STAT3: variants seen among roughly 807,000 people sequenced by gnomAD.
The protein encoded by STAT3 is DNA-binding protein APRF.
STAT3 carries 7 observed loss-of-function variants against 114.3 expected under a neutral mutation model. The observed-to-expected ratio is 0.06, with a 90% confidence interval of 0.03 to 0.11. The LOEUF is 0.11. Ranked by LOEUF, STAT3 falls within the 10% of genes least tolerant of loss-of-function variation. STAT3 has a pLI of 1.00. For missense variants in STAT3, 364 were observed against 960.9 expected (o/e 0.38, Z 8.21); for synonymous variants, 331 against 354.5 (o/e 0.93, Z 0.74).
At chr17:42,382,828 A>G (rs1014507163) in intron 1 of STAT3, among the ~76,000 whole-genome samples, 2 of 151,276 alleles carry the variant, frequency 1.3e-5, no homozygotes, top group Non-Finnish European at 2.9e-5. Context: ...TTGTATTTTT[A>G]GTAGAGGCGG....
Position 42,316,889 on chromosome 17 carries a change from G to A in STAT3, c.2157C>T (p.Ser719=), listed in dbSNP as rs2081272485. The A allele has an allele frequency of 3.1e-6, 5 of 1,612,448 alleles. No homozygotes were observed. The East Asian group carries it at 1.1e-4, about 36-fold the overall frequency. The change falls in exon 23 of 24, where the codon AGC becomes AGT. Residue 719 remains serine (S), a synonymous_variant. Transcript: ENST00000264657. ...KFICVTPTTC[S]NTIDLPMSPR... ...GGGACATCGGCAGGTCAATGGTATT[G>A]CTGCAGGTCGTTCTGTAGGAAATGG... is the stretch of plus-strand genomic sequence containing the variant.
intron 21 of STAT3, among the ~76,000 whole-genome samples, chr17:42,320,305 C>A (rs2081417540): frequency 6.6e-6 from 1 of 152,184 alleles, no homozygotes. Context: ...CTCAAGAAAT[C>A]CCTCAGAAGG....
intron 5 of STAT3, 100 bp from the exon 6 acceptor site, chr17:42,338,912 C>A: frequency 8.9e-7 from 1 of 1,121,104 alleles, no homozygotes; most frequent in East Asian, 2.4e-5. Context: ...AAGCCAAAAC[C>A]TCAAAAAAGA....
chr17:42,322,646 G>A, intron 20 of STAT3, 152 bp from the exon 21 acceptor site: 1 of 895,540 alleles, frequency 1.1e-6, no homozygotes, highest in Non-Finnish European at 1.8e-6. Flanking sequence ...CTGGCACTGT[G>A]GAAATATTCA....
intron 1 of STAT3, among the ~76,000 whole-genome samples, chr17:42,369,469 GGGCA>G: frequency 6.6e-6 from 1 of 152,274 alleles, no homozygotes; most frequent in East Asian, 1.9e-4. Context: ...TGTCACTGAT[GGGCA>G]TTTAGGTTGA....
chr17:42,350,473 A>C (rs1051935019), intron 1 of STAT3, among the ~76,000 whole-genome samples: 3 of 151,980 alleles, frequency 2.0e-5, no homozygotes, highest in African/African-American at 7.2e-5. Context: ...TTTTGTAGAG[A>C]TAGGGTCTTC....
At chr17:42,328,083 A>T (rs571560874) in intron 14 of STAT3, among the ~76,000 whole-genome samples, 1 of 151,990 alleles carries the variant, frequency 6.6e-6, no homozygotes, top group East Asian at 1.9e-4. Context: ...CATTTTTAAT[A>T]CTATTTTTCT....
In STAT3 at chr17:42,337,469, G is replaced by T; in HGVS notation, c.763C>A (p.Pro255Thr). 1 of 1,614,112 alleles carries T rather than the reference G, an allele frequency of 6.2e-7. No homozygotes were observed. The change falls in exon 8 of 24, where the codon CCG becomes ACG. Residue 255 changes from proline to threonine, a missense_variant. Pro to Thr is a conservative substitution (Grantham distance 38). Around this residue, in one of 5 missense-constraint regions of STAT3, gnomAD observed 294 missense variants for 745.1 expected, o/e 0.39. Coordinates refer to ENST00000264657, the MANE Select transcript of STAT3 (RefSeq NM_139276.3). This position sits in a 1 kb window ranked among gnomAD's most constrained non-coding sequence, Gnocchi z 4.0. The part of the protein sequence containing the change: ...RRQQIACIGG[P>T]PNICLDRLEN... ...AGCCGATCTAGGCAGATGTTGGGCG[G>T]GCCTCCAATGCAGGCAATCTGTTGC...
intron 1 of STAT3, among the ~76,000 whole-genome samples, chr17:42,350,185 C>T (rs375318702): frequency 6.6e-6 from 1 of 152,140 alleles, no homozygotes; most frequent in East Asian, 1.9e-4. Context: ...ACTGAACACA[C>T]GCAAACATAC....
At chr17:42,378,399 C>A (rs1598523981) in intron 1 of STAT3, among the ~76,000 whole-genome samples, 1 of 152,258 alleles carries the variant, frequency 6.6e-6, no homozygotes, top group South Asian at 2.1e-4. Flanking sequence ...GCACGCGTCA[C>A]CACACCCAGC....
chr17:42,385,710 A>G (rs140822996), intron 1 of STAT3, among the ~76,000 whole-genome samples: 5 of 152,248 alleles, frequency 3.3e-5, no homozygotes, highest in South Asian at 4.1e-4. Flanking sequence ...TCAAGCCACA[A>G]TGCACTCTGG....
chr17:42,367,154 C>T (rs1385795822), intron 1 of STAT3, among the ~76,000 whole-genome samples: 2 of 151,520 alleles, frequency 1.3e-5, no homozygotes, highest in Non-Finnish European at 2.9e-5. Context: ...AAAACATAAA[C>T]ATAAAAATAA....
rs564159940 is a variant in STAT3, at chr17:42,375,279, G to C, written c.-24+13000C>G. ...GACATGACTTCACTAATCCAAAGAA[G>C]ACTTTATATTCTATGGGCCTTGTAA... On this transcript the variant is annotated intron_variant, in intron 1 of 23. Transcript: ENST00000264657. Among the ~76,000 whole-genome samples the C allele has an allele frequency of 5.9e-5, 9 of 152,178 alleles. No homozygotes were observed. In the South Asian group the frequency reaches 8.3e-4, roughly 14 times the overall value.
chr17:42,323,521 G>T, intron 18 of STAT3, 52 bp downstream of exon 18: 3 of 1,601,500 alleles, frequency 1.9e-6, no homozygotes. Context: ...CTCAACGACA[G>T]CCGTGCAGGT....
intron 1 of STAT3, among the ~76,000 whole-genome samples, chr17:42,375,145 GAGTAAACAGAAT>G (rs1451239019): frequency 1.3e-5 from 2 of 152,166 alleles, no homozygotes; most frequent in Non-Finnish European, 2.9e-5. Context: ...ATACCAAGAA[GAGTAAACAGAAT>G]AAAAAGAAAT....
At chr17:42,369,134 A>C (rs1318912553) in intron 1 of STAT3, among the ~76,000 whole-genome samples, 1 of 151,976 alleles carries the variant, frequency 6.6e-6, no homozygotes, top group African/African-American at 2.4e-5. Flanking sequence ...CCGAGGTGGG[A>C]GGATCATGAG....
chr17:42,332,561 G>T (rs1054838714), intron 10 of STAT3, among the ~76,000 whole-genome samples: 7 of 135,620 alleles, frequency 5.2e-5, no homozygotes, highest in African/African-American at 2.0e-4. Context: ...AAAAAAAAAA[G>T]GCCGAGCGTG....
At position 42,315,667 on chromosome 17, in the gene STAT3, G is replaced by T; in HGVS notation, c.*78C>A. ...AAGTTAGTAGTTTCAGATGATCTGG[G>T]GTTTGGCTGTGTGAGGGGTGGCAGA... On this transcript the variant is annotated 3_prime_UTR_variant, in exon 24 of 24. Transcript: ENST00000264657. The T allele has an allele frequency of 1.4e-6, 2 of 1,414,246 alleles. No homozygotes were observed. Among genetic ancestry groups the T allele is most frequent in the Non-Finnish European group, 1.0e-6 (1 of 997,976 alleles). 87.6% of individuals were successfully genotyped at this position (1,414,246 alleles called of 1,614,324 possible).
At chr17:42,350,018 T>C (rs1291831504) in intron 1 of STAT3, among the ~76,000 whole-genome samples, 1 of 151,324 alleles carries the variant, frequency 6.6e-6, no homozygotes, top group Non-Finnish European at 1.5e-5. Context: ...ATCGTGCCAC[T>C]GCATTCCAGT....
Sources: gnomAD v4.1 joint callset for allele counts (sites outside exome capture counted in the v4.1 genomes callset) on GRCh38, gnomAD v4.1.1 for gene constraint, gnomAD v4.1.1 regional missense constraint, Gnocchi (gnomAD v3.1) non-coding constraint, MANE v1.5 for transcripts, NCBI Gene and HGNC (gene_info 2026-07-23, HGNC 2026-07-21) for gene names.